The following NOTCH2NLA variants were observed in gnomAD, a reference collection of about 807,000 sequenced individuals.
NOTCH2NLA encodes notch 2 N-terminal like A.
At chr1:146,171,444 A>T (rs1385838460) in intron 2 of NOTCH2NLA, among the ~76,000 whole-genome samples, 1 of 136,804 alleles carries the variant, frequency 7.3e-6, no homozygotes, top group East Asian at 1.9e-4. Flanking sequence ...AAAAAAAAAA[A>T]TTCACAGCTA....
rs78103010 is a variant in NOTCH2NLA at position 146,207,822 on chromosome 1, T to C, written c.-44-18441A>G. Among the ~76,000 whole-genome samples, 7 of 84,296 alleles carry C rather than the reference T, an allele frequency of 8.3e-5. 1 individual carries two copies. The highest frequency in any genetic ancestry group is 1.9e-4 in the Non-Finnish European group (7 of 36,894). The allele number at this position is 84,296 out of a possible 152,430, so 55.3% of individuals were successfully genotyped here. A position where few individuals can be genotyped will look rare whatever the true frequency, so the allele number is the denominator to read the frequency against. On this transcript the variant is annotated intron_variant, in intron 1 of 4. Coordinates refer to ENST00000362074, the Ensembl canonical transcript of NOTCH2NLA. Reference sequence around the variant, plus strand: ...CAGGCCCAATACCACTTTCTTTTTTTTTTTTTTTTTTTTTTTGGAGACAGG... The same window carrying C: ...CAGGCCCAATACCACTTTCTTTTTTCTTTTTTTTTTTTTTTTGGAGACAGG...
chr1:146,185,660 T>G (rs1271207256), intron 2 of NOTCH2NLA, among the ~76,000 whole-genome samples: 1 of 130,910 alleles, frequency 7.6e-6, no homozygotes, highest in African/African-American at 2.5e-5. Context: ...ATCAGTAGCA[T>G]TATGCTGTCT....
intron 2 of NOTCH2NLA, among the ~76,000 whole-genome samples, chr1:146,172,965 C>T (rs868930841): frequency 3.4e-3 from 503 of 149,032 alleles, no homozygotes; most frequent in Admixed American, 7.6e-3. Flanking sequence ...TCCATCTCTA[C>T]TCTGTGATCT....
At chr1:146,185,799 A>G (rs1662729019) in intron 2 of NOTCH2NLA, among the ~76,000 whole-genome samples, 1 of 134,420 alleles carries the variant, frequency 7.4e-6, no homozygotes, top group African/African-American at 2.5e-5. Context: ...TAATCCACTA[A>G]GCAATCGCAT....
chr1:146,188,363 TCAAA>T (rs778466969), intron 2 of NOTCH2NLA, among the ~76,000 whole-genome samples: 2 of 113,614 alleles, frequency 1.8e-5, no homozygotes, highest in African/African-American at 3.0e-5. Flanking sequence ...ACAGCCTTCC[TCAAA>T]CAAACAAAAC....
intron 3 of NOTCH2NLA, among the ~76,000 whole-genome samples, chr1:146,159,387 A>AAG (rs1189170436): frequency 8.6e-6 from 1 of 116,328 alleles, no homozygotes; most frequent in East Asian, 2.6e-4. Flanking sequence ...GGAAGAGAGA[A>AAG]AGAGAGAGAA....
chr1:146,179,994 G>A (rs1354553792), intron 2 of NOTCH2NLA, among the ~76,000 whole-genome samples: 1 of 135,564 alleles, frequency 7.4e-6, no homozygotes, highest in Non-Finnish European at 1.7e-5. Flanking sequence ...GGCCTCTTGG[G>A]CTTTTCTGTC....
chr1:146,150,068 CA>C (rs1660901825), intron 4 of NOTCH2NLA, among the ~76,000 whole-genome samples: 1 of 138,376 alleles, frequency 7.2e-6, no homozygotes, highest in African/African-American at 2.7e-5. Flanking sequence ...GCTACCACAT[CA>C]ATGAACTTTG....
chr1:146,173,815 CA>C (rs71272964), intron 2 of NOTCH2NLA, among the ~76,000 whole-genome samples: 19 of 20,046 alleles, frequency 9.5e-4, no homozygotes, highest in Admixed American at 1.2e-3. Flanking sequence ...AACCCCATCT[CA>C]AAAAAAAAAA....
chr1:146,185,945 A>C (rs1426876863), intron 2 of NOTCH2NLA, among the ~76,000 whole-genome samples: 2 of 135,404 alleles, frequency 1.5e-5, no homozygotes, highest in African/African-American at 5.0e-5. Context: ...ACAGAAAAAA[A>C]GGTAAGGTTG....
intron 3 of NOTCH2NLA, among the ~76,000 whole-genome samples, chr1:146,157,692 AATAT>A (rs1333792854): frequency 1.0e-5 from 1 of 96,148 alleles, no homozygotes; most frequent in Non-Finnish European, 2.2e-5. Flanking sequence ...GAATGGATAA[AATAT>A]ATCGATATTT....
intron 2 of NOTCH2NLA, among the ~76,000 whole-genome samples, chr1:146,186,630 T>C (rs1380390599): frequency 1.6e-5 from 2 of 128,466 alleles, no homozygotes; most frequent in African/African-American, 2.6e-5. Context: ...CAAAGAACTA[T>C]TGGACTTCTT....
chr1:146,228,235 G>T (rs1202079383), intron 1 of NOTCH2NLA: 1 of 232,234 alleles, frequency 4.3e-6, no homozygotes, highest in Non-Finnish European at 7.0e-6. Flanking sequence ...GGCTGGCTGC[G>T]AAGGTGCAGG....
intron 2 of NOTCH2NLA, among the ~76,000 whole-genome samples, chr1:146,186,454 A>C (rs1330577438): frequency 6.9e-6 from 1 of 144,604 alleles, no homozygotes; most frequent in Non-Finnish European, 1.6e-5. Flanking sequence ...TCCTGGGTTC[A>C]GGCCATTCTC....
intron 2 of NOTCH2NLA, among the ~76,000 whole-genome samples, chr1:146,182,423 A>G (rs1553809361): frequency 7.2e-6 from 1 of 139,834 alleles, no homozygotes; most frequent in Non-Finnish European, 1.6e-5. Context: ...TAAAGTAAAT[A>G]CATGTAAACT....
chr1:146,150,060 TACC>T (rs1660901283), intron 4 of NOTCH2NLA, among the ~76,000 whole-genome samples: 1 of 137,362 alleles, frequency 7.3e-6, no homozygotes, highest in South Asian at 2.5e-4. Context: ...TGACAAATGC[TACC>T]ACATCAATGA....
intron 1 of NOTCH2NLA, among the ~76,000 whole-genome samples, chr1:146,219,795 TAAA>T (rs782014725): frequency 2.5e-5 from 2 of 78,496 alleles, no homozygotes; most frequent in African/African-American, 1.6e-4. Flanking sequence ...GTTCATAAAC[TAAA>T]AAAAAAAAAT....
chr1:146,159,995 A>AAAAAAAAAG (rs1661423611), intron 3 of NOTCH2NLA, among the ~76,000 whole-genome samples: 1 of 130,390 alleles, frequency 7.7e-6, no homozygotes, highest in African/African-American at 2.8e-5. Flanking sequence ...AAAAAAAAAA[A>AAAAAAAAAG]GGTGATCAGA....
At chr1:146,180,410 AG>A (rs1553809044) in intron 2 of NOTCH2NLA, among the ~76,000 whole-genome samples, 1 of 141,474 alleles carries the variant, frequency 7.1e-6, no homozygotes, top group East Asian at 2.0e-4. Context: ...AAGATCAAGT[AG>A]AAGACTGTTT....
Sources: gnomAD v4.1 joint callset for allele counts (sites outside exome capture counted in the v4.1 genomes callset) on GRCh38, gnomAD v4.1.1 for gene constraint, MANE v1.5 for transcripts, NCBI Gene and HGNC (gene_info 2026-07-23, HGNC 2026-07-21) for gene names.